Variants in SEMA6A observed in about 807,000 individuals in gnomAD.
SEMA6A encodes the protein semaphorin-6A.
In SEMA6A, 25 loss-of-function variants were observed where a neutral mutation model predicts 96.8. That is an observed-to-expected ratio of 0.26 (90% CI 0.19 to 0.36). The LOEUF is 0.36. Among genes scored for constraint, SEMA6A ranks in the 10% least tolerant of loss-of-function variants. SEMA6A has a pLI of 1.00. For synonymous variants in SEMA6A, 612 were observed against 518.0 expected (o/e 1.18, Z -2.46); for missense variants, 1,363 against 1,323.1 (o/e 1.03, Z -0.47).
intron 1 of SEMA6A, among the ~76,000 whole-genome samples, chr5:116,512,117 C>G (rs1758430591): frequency 6.6e-6 from 1 of 152,182 alleles, no homozygotes; most frequent in Non-Finnish European, 1.5e-5. Context: ...CTGGACAGCT[C>G]TGTTTCAAGG....
At chr5:116,448,754 T>C (rs1367340724) in intron 18 of SEMA6A, among the ~76,000 whole-genome samples, 3 of 14,382 alleles carry the variant, frequency 2.1e-4, no homozygotes, top group Admixed American at 7.5e-4. Context: ...GCATCACCTC[T>C]CAAAAAAAAA....
intron 7 of SEMA6A, among the ~76,000 whole-genome samples, 195 bp downstream of exon 7, chr5:116,491,545 A>G (rs1313100371): frequency 1.3e-5 from 2 of 152,144 alleles, no homozygotes; most frequent in Admixed American, 6.6e-5. Context: ...AGGCACAAAC[A>G]CATGGGTAAG....
At chr5:116,561,826 G>C (rs559181096) in intron 1 of SEMA6A, among the ~76,000 whole-genome samples, 5 of 152,278 alleles carry the variant, frequency 3.3e-5, no homozygotes, top group African/African-American at 9.6e-5. Flanking sequence ...CACCCTCGGA[G>C]ATATCCCTGG....
chr5:116,482,809 C>G (rs920843577), intron 10 of SEMA6A, among the ~76,000 whole-genome samples: 1 of 152,272 alleles, frequency 6.6e-6, no homozygotes, highest in South Asian at 2.1e-4. Flanking sequence ...AGGAAAAAAA[C>G]TCTTCATGTC....
At chr5:116,553,236 T>C (rs1760487583) in intron 1 of SEMA6A, among the ~76,000 whole-genome samples, 2 of 152,220 alleles carry the variant, frequency 1.3e-5, no homozygotes, top group African/African-American at 4.8e-5. Context: ...CAAATACCTT[T>C]CAGTACTTGA....
In SEMA6A at chr5:116,447,029, C is replaced by T; in HGVS notation, c.2677G>A (p.Ala893Thr). The change falls in exon 19 of 19, where the codon GCC becomes ACC. Residue 893 changes from alanine (A) to threonine (T), a missense_variant. Physicochemically the swap from Ala to Thr is moderately conservative, Grantham distance 58. Transcript: ENST00000343348. ...QREASLGPPG[A>T]SLSQTGLSKR... is the part of the protein sequence containing the mutation. ...CTTAGACCGGTCTGAGACAGGGAGG[C>T]TCCCGGGGGACCCAGGGAGGCCTCC... 1.9e-6 allele frequency: 3 copies of T among 1,613,920 alleles called. No homozygotes were observed. Among genetic ancestry groups the T allele is most frequent in the Non-Finnish European group, 2.5e-6 (3 of 1,179,858 alleles).
chr5:116,497,393 G>A lies in SEMA6A; in HGVS notation c.219-6C>T. ...CAACAGTATAAATATGGTCCCTATA[G>A]GCAAAGAAAAATTAATACAAGGTCA... On this transcript the variant is annotated splice_polypyrimidine_tract_variant and splice_region_variant and intron_variant, in intron 3 of 18. Transcript: ENST00000343348. 1 of 1,569,342 alleles carries A rather than the reference G, an allele frequency of 6.4e-7. No homozygotes were observed. The highest frequency in any genetic ancestry group is 8.7e-7 in the Non-Finnish European group (1 of 1,144,262).
chr5:116,479,343 C>T (rs1303366708), intron 12 of SEMA6A, among the ~76,000 whole-genome samples: 2 of 152,228 alleles, frequency 1.3e-5, no homozygotes, highest in Non-Finnish European at 2.9e-5. Flanking sequence ...ACATTTGACA[C>T]TCCATGGGGA....
chr5:116,453,754 C>T (rs1754800593), intron 18 of SEMA6A, among the ~76,000 whole-genome samples: 1 of 152,188 alleles, frequency 6.6e-6, no homozygotes, highest in African/African-American at 2.4e-5. Context: ...GCATCAAAAG[C>T]ACAGCTAGTC....
At chr5:116,519,664 T>TACACAC (rs72233200) in intron 1 of SEMA6A, among the ~76,000 whole-genome samples, 12,506 of 146,924 alleles carry the variant, frequency 0.085, 584 homozygotes, top group South Asian at 0.12. Flanking sequence ...ATGCTGTGTG[T>TACACAC]ACACACACAC....
At chr5:116,464,300 C>T (rs762952629) in intron 18 of SEMA6A, among the ~76,000 whole-genome samples, 8 of 152,144 alleles carry the variant, frequency 5.3e-5, no homozygotes, top group Non-Finnish European at 1.2e-4. Flanking sequence ...AGGCTCCAGA[C>T]ATCTAGAGAA....
chr5:116,474,278 G>GCACGCACACACA (rs1554083460), intron 16 of SEMA6A, among the ~76,000 whole-genome samples: 2 of 147,300 alleles, frequency 1.4e-5, no homozygotes, highest in East Asian at 2.0e-4. Context: ...GTGCACGCAT[G>GCACGCACACACA]CACACACACA....
At chr5:116,493,902 G>A (rs990626402) in intron 6 of SEMA6A, among the ~76,000 whole-genome samples, 1 of 152,078 alleles carries the variant, frequency 6.6e-6, no homozygotes, top group Non-Finnish European at 1.5e-5. Flanking sequence ...CGTTCACAGT[G>A]CTTGGCATTC....
rs112348297 is a variant in SEMA6A at position 116,513,128 on chromosome 5, CT to C, written c.-38-8147del. Among the ~76,000 whole-genome samples the C allele has an allele frequency of 5.6e-3, 822 of 146,904 alleles. 4 individuals are homozygous for C. Among genetic ancestry groups the C allele is most frequent in the South Asian group, 0.023 (105 of 4,632 alleles). ...GGCTATCCATTATAAAGGCAGCTAT[CT>C]TTTTTTTTTTCCCCCGCGACGGAGT... On this transcript the variant is annotated intron_variant, in intron 1 of 18. Coordinates refer to ENST00000343348, the MANE Select transcript of SEMA6A (RefSeq NM_020796.5).
At chr5:116,533,671 G>A (rs530454546) in intron 1 of SEMA6A, among the ~76,000 whole-genome samples, 98 of 152,294 alleles carry the variant, frequency 6.4e-4, no homozygotes, top group Non-Finnish European at 1.3e-3. Flanking sequence ...TCTCTAGCTG[G>A]AAAGCAGCAC....
rs1757187959 is a variant in SEMA6A at position 116,488,800 on chromosome 5, TAC to T, written c.655+86_655+87del. The T allele has an allele frequency of 4.3e-6, 6 of 1,388,138 alleles. No homozygotes were observed. The Admixed American group carries it at 9.4e-5, about 22-fold the overall frequency. The allele number at this position is 1,388,138 out of a possible 1,614,324, so 86.0% of individuals were successfully genotyped here. ...TCAGAAGCCATTACTCAAATGAAGA[TAC>T]AGTCTGGTCCCTCCAGACTCTAAAT... On this transcript the variant is annotated intron_variant, in intron 8 of 18. Transcript: ENST00000343348.
Position 116,447,356 on chromosome 5 carries a change from T to G in SEMA6A, c.2350A>C (p.Ile784Leu). 6.2e-7 allele frequency: 1 copy of G among 1,613,960 alleles called. No homozygotes were observed. Residue 784 changes from isoleucine to leucine, a missense_variant, in exon 19 of 19, where the codon ATC (isoleucine) becomes CTC (leucine). Transcript: ENST00000343348. ...GGCATGTCCTTTGTGCAGGCATTGA[T>G]GAGGTTCTGGTTCCTCTCCCACTCG... ...SREWERNQNL[I>L]NACTKDMPPM...
intron 18 of SEMA6A, among the ~76,000 whole-genome samples, chr5:116,449,077 T>G (rs1376877178): frequency 1.3e-5 from 2 of 150,380 alleles, no homozygotes; most frequent in Admixed American, 6.6e-5. Context: ...GCCACCCAGC[T>G]GAGTGACTCT....
At chr5:116,556,518 C>A (rs1317296235) in intron 1 of SEMA6A, among the ~76,000 whole-genome samples, 2 of 152,180 alleles carry the variant, frequency 1.3e-5, no homozygotes, top group Admixed American at 1.3e-4. Context: ...AATCATCAGA[C>A]TCCCTTTATG....
Sources: gnomAD v4.1 joint callset for allele counts (sites outside exome capture counted in the v4.1 genomes callset) on GRCh38, gnomAD v4.1.1 for gene constraint, MANE v1.5 for transcripts, NCBI Gene and HGNC (gene_info 2026-07-23, HGNC 2026-07-21) for gene names.